Variants in RP1 observed in about 807,000 individuals in gnomAD.
The protein encoded by RP1 is RP1 axonemal microtubule associated.
In RP1, 16 loss-of-function variants were observed where a neutral mutation model predicts 14.8. The ratio of observed to expected loss-of-function variants is 1.08; its 90% CI spans 0.73 to 1.65. The LOEUF is 1.65. RP1 is among the 40% of genes most tolerant of loss of function. The pLI is 0.00. For missense variants in RP1, 2,631 were observed against 2,535.0 expected (o/e 1.04, Z -0.81); for synonymous variants, 876 against 883.6 (o/e 0.99, Z 0.15).
intron 24 of RP1, among the ~76,000 whole-genome samples, chr8:54,802,288 AAAC>A (rs771280662): frequency 4.6e-5 from 7 of 152,226 alleles, no homozygotes; most frequent in African/African-American, 1.7e-4. Context: ...TGACAATATT[AAAC>A]AACAACTGAG....
intron 3 of RP1, among the ~76,000 whole-genome samples, chr8:54,640,199 G>A (rs531940173): frequency 2.5e-4 from 37 of 150,770 alleles, no homozygotes; most frequent in African/African-American, 8.8e-4. Context: ...AGCACTCTTT[G>A]TTCCAAAGAC....
exon 22 of RP1, chr8:54,758,935 AAGTAGC>A: frequency 6.5e-7 from 1 of 1,535,614 alleles, no homozygotes. Context: ...GATAAATTTC[AAGTAGC>A]AGCAGTGTCG....
exon 23 of RP1, chr8:54,769,877 C>A (rs1809860438): frequency 1.0e-6 from 1 of 994,060 alleles, no homozygotes; most frequent in African/African-American, 1.6e-5. Flanking sequence ...AACACTATTC[C>A]CCAGTTTTCC....
At chr8:54,776,980 C>T (rs145267246) in intron 23 of RP1, among the ~76,000 whole-genome samples, 2 of 152,298 alleles carry the variant, frequency 1.3e-5, no homozygotes, top group African/African-American at 4.8e-5. Context: ...TGCTCAGCGG[C>T]TGCTGAGTGT....
At chr8:54,620,787 C>T (rs1805836968) in intron 1 of RP1, among the ~76,000 whole-genome samples, 168 bp from the exon 2 acceptor site, 1 of 151,874 alleles carries the variant, frequency 6.6e-6, no homozygotes, top group Admixed American at 6.6e-5. Context: ...TTATAAGTTC[C>T]TTAAAATTGT....
In RP1 at chr8:54,630,808, A is replaced by G; in HGVS notation, c.*455A>G. 1 of 1,002,178 alleles carries G rather than the reference A, an allele frequency of 1.0e-6. No homozygotes were observed. Among genetic ancestry groups the G allele is most frequent in the South Asian group, 4.3e-5 (1 of 23,322 alleles). The allele number at this position is 1,002,178 out of a possible 1,614,324, so 62.1% of individuals were successfully genotyped here. On this transcript the variant is annotated 3_prime_UTR_variant, in exon 4 of 4. Coordinates refer to ENST00000220676, the MANE Select transcript of RP1 (RefSeq NM_006269.2). Reference sequence around the variant, plus strand: ...ATTTGATAAAAAGTATGATTATAAGATATCCACGACAATCTCATAGTTTCT... The same window carrying G: ...ATTTGATAAAAAGTATGATTATAAGGTATCCACGACAATCTCATAGTTTCT...
At chr8:54,646,180 A>G (rs186376931) in intron 3 of RP1, among the ~76,000 whole-genome samples, 51 of 151,960 alleles carry the variant, frequency 3.4e-4, no homozygotes, top group Non-Finnish European at 5.6e-4. Flanking sequence ...TTGCTTTTTG[A>G]CTTCTACTTT....
chr8:54,660,959 C>T (rs898886943), intron 6 of RP1, among the ~76,000 whole-genome samples: 3 of 151,710 alleles, frequency 2.0e-5, no homozygotes, highest in Non-Finnish European at 2.9e-5. Context: ...TGTTTTCTCT[C>T]TCCAACTTTA....
At chr8:54,621,627 C>A (rs1207058599) in intron 2 of RP1, 46 bp downstream of exon 2, 1 of 1,612,578 alleles carries the variant, frequency 6.2e-7, no homozygotes, top group Non-Finnish European at 8.5e-7. Flanking sequence ...TTTTGAGCAC[C>A]CTACTAATTG....
At position 54,755,548 on chromosome 8, in the gene RP1, T is replaced by G. The variant is rs1809483551; in HGVS notation, c.2942-71T>G. 4.9e-6 allele frequency: 7 copies of G among 1,440,196 alleles called. No individual in the cohort carries two copies. The Admixed American group carries it at 7.9e-5, about 16-fold the overall frequency. The allele number at this position is 1,440,196 out of a possible 1,614,324, so 89.2% of individuals were successfully genotyped here. ...TTACTATAGCCTGAAAACCTATGGATCTGGGTTCTGTTTGTATGGATTTCA... is the reference window on the plus strand; with the variant it reads ...TTACTATAGCCTGAAAACCTATGGAGCTGGGTTCTGTTTGTATGGATTTCA... On this transcript the variant is annotated intron_variant, in intron 20 of 22. Transcript: ENST00000636932.
At chr8:54,846,654 T>G (rs1811926788) in intron 25 of RP1, among the ~76,000 whole-genome samples, 1 of 152,248 alleles carries the variant, frequency 6.6e-6, no homozygotes, top group Non-Finnish European at 1.5e-5. Context: ...AGTATAGAGT[T>G]GAATTTAGTC....
In RP1 at chr8:54,630,102, A is replaced by C. The variant is rs1430007167; in HGVS notation, c.6220A>C (p.Asn2074His). ...CGATGAGAATAACAACTTATTAAATAACAGATTCCAGGGCTCAAGAACAAA... is the reference window on the plus strand; with the variant it reads ...CGATGAGAATAACAACTTATTAAATCACAGATTCCAGGGCTCAAGAACAAA... ...AVDENNNLLN[N>H]RFQGSRTNLN... The change falls in exon 4 of 4, where the codon AAC becomes CAC. Residue 2074 changes from asparagine to histidine, a missense_variant. Coordinates refer to ENST00000220676, the MANE Select transcript of RP1 (RefSeq NM_006269.2). 1 of 1,613,852 alleles carries C rather than the reference A, an allele frequency of 6.2e-7. No homozygotes were observed. Among genetic ancestry groups the C allele is most frequent in the Non-Finnish European group, 8.5e-7 (1 of 1,179,960 alleles).
At chr8:54,605,360 T>C (rs186020587) in intron 1 of RP1, among the ~76,000 whole-genome samples, 6 of 152,346 alleles carry the variant, frequency 3.9e-5, no homozygotes, top group Admixed American at 1.3e-4. Flanking sequence ...TGAGTGAGTT[T>C]CTTAATCCTG....
chr8:54,601,581 AC>A (rs1278776137), intron 1 of RP1, among the ~76,000 whole-genome samples: 4 of 151,080 alleles, frequency 2.6e-5, no homozygotes, highest in African/African-American at 4.9e-5. Context: ...ATAAAAAAAA[AC>A]AAAATAAAAA....
chr8:54,769,003 C>G (rs993950123), intron 22 of RP1, among the ~76,000 whole-genome samples: 1 of 151,466 alleles, frequency 6.6e-6, no homozygotes, highest in Admixed American at 6.6e-5. Context: ...TTCACGCCTT[C>G]TCCTGCCTCA....
intron 24 of RP1, among the ~76,000 whole-genome samples, chr8:54,786,185 G>A (rs1810313775): frequency 6.6e-6 from 1 of 152,008 alleles, no homozygotes; most frequent in Non-Finnish European, 1.5e-5. Context: ...GGGCAGGTCT[G>A]CTAGTGATGA....
intron 24 of RP1, among the ~76,000 whole-genome samples, chr8:54,794,751 C>A (rs1422855747): frequency 6.6e-6 from 1 of 151,886 alleles, no homozygotes; most frequent in African/African-American, 2.4e-5. Context: ...TAAAACGTTT[C>A]TGCACAGAAA....
At chr8:54,861,037 T>A (rs1176822193) in intron 27 of RP1, among the ~76,000 whole-genome samples, 1 of 152,216 alleles carries the variant, frequency 6.6e-6, no homozygotes, top group Admixed American at 6.5e-5. Context: ...GTAATTACTA[T>A]AACATGATTT....
chr8:54,828,882 C>CTTTTTTTTTTTTTTTTTTTTTTTTTTT (rs201534661), intron 24 of RP1, among the ~76,000 whole-genome samples: 3 of 83,900 alleles, frequency 3.6e-5, no homozygotes, highest in African/African-American at 4.8e-5. Context: ...TCTTCTTCTT[C>CTTTTTTTTTTTTTTTTTTTTTTTTTTT]TTTTTTTTTT....
Sources: allele counts gnomAD v4.1 joint callset (sites outside exome capture counted in the v4.1 genomes callset), GRCh38; gene constraint gnomAD v4.1.1; transcripts MANE v1.5; gene names NCBI Gene and HGNC (gene_info 2026-07-23, HGNC 2026-07-21).